The following COX7B2 variants were observed in gnomAD, a reference collection of about 807,000 sequenced individuals.
The protein encoded by COX7B2 is cytochrome c oxidase subunit 7B2.
For synonymous variants in COX7B2, 37 were observed against 32.1 expected (o/e 1.15, Z -0.51); for missense variants, 109 against 95.9 (o/e 1.14, Z -0.57).
At chr4:46,772,282 C>A (rs539014779) in intron 2 of COX7B2, among the ~76,000 whole-genome samples, 1 of 152,030 alleles carries the variant, frequency 6.6e-6, no homozygotes, top group African/African-American at 2.4e-5. Flanking sequence ...GGTGTTGTCA[C>A]GCACTGGGGT....
chr4:46,815,760 G>A (rs1353371436), intron 2 of COX7B2, among the ~76,000 whole-genome samples: 5 of 152,064 alleles, frequency 3.3e-5, no homozygotes, highest in African/African-American at 1.2e-4. Flanking sequence ...TTTGAACAAA[G>A]GATTCTTATG....
At chr4:46,755,596 T>A (rs1715741334) in intron 2 of COX7B2, among the ~76,000 whole-genome samples, 1 of 152,008 alleles carries the variant, frequency 6.6e-6, no homozygotes, top group South Asian at 2.1e-4. Flanking sequence ...ATTCTCAGAT[T>A]TGACAAATGA....
At chr4:46,896,061 C>T (rs1197354674) in intron 1 of COX7B2, among the ~76,000 whole-genome samples, 4 of 152,122 alleles carry the variant, frequency 2.6e-5, no homozygotes, top group African/African-American at 9.7e-5. Flanking sequence ...TACAAGTATC[C>T]GAACATAAGC....
intron 1 of COX7B2, among the ~76,000 whole-genome samples, chr4:46,907,455 C>T (rs1720460594): frequency 6.6e-6 from 1 of 152,142 alleles, no homozygotes; most frequent in South Asian, 2.1e-4. Context: ...ATATTCCAAT[C>T]ATGAGACTTT....
intron 2 of COX7B2, among the ~76,000 whole-genome samples, chr4:46,824,560 TA>T (rs1714542107): frequency 6.6e-6 from 1 of 151,672 alleles, no homozygotes; most frequent in South Asian, 2.1e-4. Context: ...AAAAAACACT[TA>T]ATCATTTACT....
At chr4:46,868,279 T>C (rs1433713522) in intron 1 of COX7B2, among the ~76,000 whole-genome samples, 2 of 152,152 alleles carry the variant, frequency 1.3e-5, no homozygotes, top group African/African-American at 4.8e-5. Flanking sequence ...TTCTTCATTA[T>C]TCTAGCTAGT....
intron 2 of COX7B2, among the ~76,000 whole-genome samples, chr4:46,782,961 A>G (rs1303145427): frequency 6.6e-6 from 1 of 152,260 alleles, no homozygotes; most frequent in Admixed American, 6.5e-5. Flanking sequence ...AGCAAAACCA[A>G]GAACCCACCA....
At chr4:46,738,755 A>T (rs1215733925) in intron 2 of COX7B2, among the ~76,000 whole-genome samples, 1 of 152,120 alleles carries the variant, frequency 6.6e-6, no homozygotes, top group Non-Finnish European at 1.5e-5. Flanking sequence ...TTCTGAAAGT[A>T]GATCTTTCTG....
chr4:46,814,986 G>A (rs1047078349), intron 2 of COX7B2, among the ~76,000 whole-genome samples: 1 of 152,066 alleles, frequency 6.6e-6, no homozygotes, highest in Non-Finnish European at 1.5e-5. Flanking sequence ...AGGAGTTTGA[G>A]ACCGGCCAGG....
At chr4:46,796,978 A>T (rs1462356396) in intron 2 of COX7B2, among the ~76,000 whole-genome samples, 1 of 81,076 alleles carries the variant, frequency 1.2e-5, no homozygotes, top group Non-Finnish European at 2.3e-5. Context: ...GCATTGGGAG[A>T]TATACCTAAT....
At chr4:46,868,075 G>A (rs1045504614) in intron 1 of COX7B2, among the ~76,000 whole-genome samples, 2 of 152,026 alleles carry the variant, frequency 1.3e-5, no homozygotes, top group Admixed American at 1.3e-4. Context: ...GGTCTATTCA[G>A]GAAATCAATT....
chr4:46,803,086 T>C (rs1018857183), intron 2 of COX7B2, among the ~76,000 whole-genome samples: 2 of 152,178 alleles, frequency 1.3e-5, no homozygotes, highest in Non-Finnish European at 2.9e-5. Context: ...TTCATTATGT[T>C]CTGTCTCAGA....
chr4:46,781,930 A>G lies in COX7B2; in HGVS notation c.-49-46689T>C, dbSNP rs571841598. ...TCAGGACCTGCAGCCCTCCATGCTC[A>G]AGCACCCCCCATCCCGCCCGGAGGG... On this transcript the variant is annotated intron_variant, in intron 2 of 2. Transcript: ENST00000355591. 1.2e-3 allele frequency among the ~76,000 whole-genome samples: 187 copies of G among 152,226 alleles called. 1 individual carries two copies. Among genetic ancestry groups the G allele is most frequent in the African/African-American group, 4.3e-3 (177 of 41,562 alleles).
intron 2 of COX7B2, among the ~76,000 whole-genome samples, chr4:46,744,599 C>T (rs745485571): frequency 4.6e-5 from 7 of 152,024 alleles, no homozygotes; most frequent in Non-Finnish European, 1.0e-4. Flanking sequence ...CCCCTCATTG[C>T]ATAATTTGAA....
chr4:46,777,272 T>C (rs1717203930), intron 2 of COX7B2, among the ~76,000 whole-genome samples: 1 of 151,888 alleles, frequency 6.6e-6, no homozygotes, highest in South Asian at 2.1e-4. Flanking sequence ...AAAAAATAAA[T>C]GGAAGAGTGA....
intron 1 of COX7B2, among the ~76,000 whole-genome samples, chr4:46,892,000 T>C (rs150687727): frequency 2.2e-3 from 342 of 152,286 alleles, no homozygotes; most frequent in African/African-American, 7.9e-3. Flanking sequence ...TAGCTACTGT[T>C]GGGCATCCTT....
Position 46,784,209 on chromosome 4 carries a change from A to G in COX7B2, c.-49-48968T>C, listed in dbSNP as rs534172873. ...GGGTATTTGTATCAGAAAAACATAC[A>G]ATGAGTAGACAAAATCAGGCTGTGC... On this transcript the variant is annotated intron_variant, in intron 2 of 2. Transcript: ENST00000355591. Among the ~76,000 whole-genome samples, 428 of 152,350 alleles carry G rather than the reference A, an allele frequency of 2.8e-3. 3 individuals are homozygous for G. The highest frequency in any genetic ancestry group is 0.01 in the African/African-American group (417 of 41,580).
At chr4:46,801,932 G>T (rs1005108877) in intron 2 of COX7B2, among the ~76,000 whole-genome samples, 7 of 152,064 alleles carry the variant, frequency 4.6e-5, no homozygotes, top group Non-Finnish European at 8.8e-5. Context: ...TATTTGTATA[G>T]CTCTTCAGAT....
chr4:46,802,214 A>G (rs891992929), intron 2 of COX7B2, among the ~76,000 whole-genome samples: 1 of 152,104 alleles, frequency 6.6e-6, no homozygotes, highest in Non-Finnish European at 1.5e-5. Flanking sequence ...TTTGCTTCCT[A>G]CCTAAGACCT....
Sources: gnomAD v4.1 joint callset for allele counts (sites outside exome capture counted in the v4.1 genomes callset) on GRCh38, gnomAD v4.1.1 for gene constraint, MANE v1.5 for transcripts, NCBI Gene and HGNC (gene_info 2026-07-23, HGNC 2026-07-21) for gene names.